RGMB: variants seen among roughly 807,000 people sequenced by gnomAD.
RGMB encodes repulsive guidance molecule BMP co-receptor b.
In RGMB, 16 loss-of-function variants were observed where a neutral mutation model predicts 26.9. The ratio of observed to expected loss-of-function variants is 0.60; its 90% CI spans 0.40 to 0.90. The LOEUF (loss-of-function observed/expected upper bound fraction) is 0.90, where lower values mean the gene tolerates loss of function less well. RGMB is among the 40% of genes least tolerant of loss of function. The pLI is 0.00. For missense variants in RGMB, 512 were observed against 573.3 expected, an observed-to-expected ratio of 0.89 and a Z score of 1.09; for synonymous variants, 225 against 229.3, an observed-to-expected ratio of 0.98 and a Z score of 0.17.
chr5:98,789,547 G>C (rs1032374598), intron 2 of RGMB, among the ~76,000 whole-genome samples: 2 of 151,844 alleles, frequency 1.3e-5, no homozygotes, highest in African/African-American at 2.4e-5. Flanking sequence ...GCAAACCTTC[G>C]TAAGTTCTTA....
In RGMB at chr5:98,780,122, C is replaced by A. The variant is rs137927901; in HGVS notation, c.645+34C>A. ...ACCTTCTTTTTTCCCTCTCCCTACTCAACTTTCAAAAGATGTTTGATTCTT... is the reference window on the plus strand; with the variant it reads ...ACCTTCTTTTTTCCCTCTCCCTACTAAACTTTCAAAAGATGTTTGATTCTT... On this transcript the variant is annotated intron_variant, in intron 2 of 2. Transcript: ENST00000513185. 5.7e-6 allele frequency: 9 copies of A among 1,570,374 alleles called. No individual in the cohort carries two copies. The Admixed American group carries it at 1.4e-4, about 25-fold the overall frequency.
At position 98,796,259 on chromosome 5, in the gene RGMB, G is replaced by A. The variant is rs1747117040; in HGVS notation, c.*2506G>A. The A allele has an allele frequency of 1.3e-5, 2 of 150,300 alleles. No individual in the cohort carries two copies. The highest frequency in any genetic ancestry group is 4.9e-5 in the African/African-American group (2 of 40,706). The allele number at this position is 150,300 out of a possible 1,614,324, so 9.3% of individuals were successfully genotyped here. A position where few individuals can be genotyped will look rare whatever the true frequency, so the allele number is the denominator to read the frequency against. On this transcript the variant is annotated 3_prime_UTR_variant, in exon 3 of 3. Transcript: ENST00000513185. ...GGAGCTTAAAACGGGGGAAACACTG[G>A]TTTTCACAGATGCTCCACATGGCTG... is the stretch of plus-strand genomic sequence containing the variant.
chr5:98,778,253 G>C (rs1377114273), intron 1 of RGMB, among the ~76,000 whole-genome samples: 4 of 152,122 alleles, frequency 2.6e-5, no homozygotes, highest in African/African-American at 4.8e-5. Context: ...TAAATTTTAA[G>C]TCTTTATCAG....
intron 2 of RGMB, among the ~76,000 whole-genome samples, chr5:98,788,488 A>G (rs1336129132): frequency 6.6e-6 from 1 of 152,212 alleles, no homozygotes; most frequent in Non-Finnish European, 1.5e-5. Context: ...TAAATATGGC[A>G]TATATAAAAA....
chr5:98,789,458 A>G (rs1402864790), intron 2 of RGMB, among the ~76,000 whole-genome samples: 2 of 148,788 alleles, frequency 1.3e-5, no homozygotes, highest in African/African-American at 4.9e-5. Flanking sequence ...TTTGTTGGCT[A>G]CCTAATTTTC....
rs146862505 is a variant in RGMB, at chr5:98,795,619, GCCTT to G, written c.*1871_*1874del. 3.3e-5 allele frequency: 5 copies of G among 152,084 alleles called. No homozygotes were observed. Among genetic ancestry groups the G allele is most frequent in the Non-Finnish European group, 7.4e-5 (5 of 68,018 alleles). 9.4% of individuals were successfully genotyped at this position (152,084 alleles called of 1,614,324 possible). On this transcript the variant is annotated 3_prime_UTR_variant, in exon 3 of 3. Coordinates refer to ENST00000513185, the MANE Select transcript of RGMB (RefSeq NM_001366508.1). ...CTATAGAGAGTTGAAACCTAAACCC[GCCTT>G]CCTTTTATAGAAGCTGGACTAGAGA... is the stretch of plus-strand genomic sequence containing the variant.
At chr5:98,779,493 A>G (rs1746518659) in intron 1 of RGMB, 87 bp from the exon 2 acceptor site, 2 of 1,329,760 alleles carry the variant, frequency 1.5e-6, no homozygotes, top group Admixed American at 2.5e-5. Context: ...AGAACAAACA[A>G]TTCCCAAAGA....
chr5:98,772,847 AAT>A (rs1351860456), upstream of RGMB: 4 of 152,226 alleles, frequency 2.6e-5, no homozygotes, highest in Admixed American at 6.5e-5. Context: ...ATCGTGGCAT[AAT>A]TACACTGCAT....
At chr5:98,790,991 T>TA (rs200889596) in intron 2 of RGMB, among the ~76,000 whole-genome samples, 212 of 150,842 alleles carry the variant, frequency 1.4e-3, no homozygotes, top group African/African-American at 4.4e-3. Flanking sequence ...CAGCATGCCT[T>TA]AAAAAAAAAC....
In RGMB at chr5:98,783,256, A is replaced by C. The variant is rs371623849; in HGVS notation, c.645+3168A>C. Among the ~76,000 whole-genome samples the C allele has an allele frequency of 3.2e-4, 49 of 151,398 alleles. No individual in the cohort carries two copies. The East Asian group carries it at 8.4e-3, about 26-fold the overall frequency. The stretch of plus-strand genomic sequence containing the variant: ...GCCAGGGCTGGTTTTTCATCTCTCC[A>C]CCCCGGGGGCTGCAGGGGTGTCTGG... On this transcript the variant is annotated intron_variant, in intron 2 of 2. Transcript: ENST00000513185.
At chr5:98,787,279 T>C (rs560788966) in intron 2 of RGMB, among the ~76,000 whole-genome samples, 19 of 152,352 alleles carry the variant, frequency 1.2e-4, no homozygotes, top group Admixed American at 5.9e-4. Flanking sequence ...CTTTTACTTT[T>C]TTTGCTCACC....
chr5:98,773,909 T>C lies in RGMB; in HGVS notation c.-162T>C. On this transcript the variant is annotated 5_prime_UTR_variant, in exon 1 of 3. Coordinates refer to ENST00000513185, the MANE Select transcript of RGMB (RefSeq NM_001366508.1). ...CTGGCTGCGCCGGCTGCGCGCTGCT[T>C]GCTGCGGCGGTGGTGGCGCCCCATC... The C allele has an allele frequency of 1.9e-6, 1 of 536,524 alleles. No individual in the cohort carries two copies. The highest frequency in any genetic ancestry group is 3.3e-6 in the Non-Finnish European group (1 of 305,352). 33.2% of individuals were successfully genotyped at this position (536,524 alleles called of 1,614,324 possible).
At chr5:98,783,644 G>A (rs149506404) in intron 2 of RGMB, among the ~76,000 whole-genome samples, 2 of 152,268 alleles carry the variant, frequency 1.3e-5, no homozygotes, top group East Asian at 3.9e-4. Flanking sequence ...GTTTAAGTGG[G>A]TTCAATAAGA....
chr5:98,784,941 T>G (rs181102327), intron 2 of RGMB, among the ~76,000 whole-genome samples: 4 of 152,352 alleles, frequency 2.6e-5, no homozygotes, highest in Admixed American at 2.6e-4. Flanking sequence ...TGCAACTCTC[T>G]TGGTGATACA....
Position 98,793,324 on chromosome 5 carries a change from G to T in RGMB, c.885G>T (p.Met295Ile). 6.2e-7 allele frequency: 1 copy of T among 1,613,842 alleles called. No homozygotes were observed. The highest frequency in any genetic ancestry group is 8.5e-7 in the Non-Finnish European group (1 of 1,179,844). ...GCTACCTGACCCTTGCCATCCGTAT[G>T]CCTGAAGACCTGGCCATGTCCTACG... ...VGRYLTLAIRMPEDLAMSYEE... is the reference protein window; with the variant it reads ...VGRYLTLAIRIPEDLAMSYEE... Residue 295 changes from methionine (M) to isoleucine (I), a missense_variant, in exon 3 of 3, where the codon ATG becomes ATT. Coordinates refer to ENST00000513185, the MANE Select transcript of RGMB (RefSeq NM_001366508.1).
chr5:98,795,089 G>T lies in RGMB; in HGVS notation c.*1336G>T, dbSNP rs991779044. On this transcript the variant is annotated 3_prime_UTR_variant, in exon 3 of 3. Coordinates refer to ENST00000513185, the MANE Select transcript of RGMB (RefSeq NM_001366508.1). ...ACTTGGAGAAATTCCTATAAAGTAA[G>T]ATCTCCTTGCCTCTTCCATCCATTG... 2 of 152,162 alleles carry T rather than the reference G, an allele frequency of 1.3e-5. No homozygotes were observed. Among genetic ancestry groups the T allele is most frequent in the African/African-American group, 4.8e-5 (2 of 41,440 alleles). 9.4% of individuals were successfully genotyped at this position (152,162 alleles called of 1,614,324 possible).
At chr5:98,775,741 C>A (rs1342202905) in intron 1 of RGMB, among the ~76,000 whole-genome samples, 1 of 152,208 alleles carries the variant, frequency 6.6e-6, no homozygotes, top group Non-Finnish European at 1.5e-5. Context: ...TGTCTTCGTT[C>A]AAGAATTTGG....
chr5:98,779,438 C>T, intron 1 of RGMB, 142 bp from the exon 2 acceptor site: 1 of 747,000 alleles, frequency 1.3e-6, no homozygotes, highest in Non-Finnish European at 2.0e-6. Context: ...ACAATGAAAC[C>T]CTGTATCTGA....
chr5:98,784,109 A>T (rs1452876349), intron 2 of RGMB, among the ~76,000 whole-genome samples: 1 of 152,170 alleles, frequency 6.6e-6, no homozygotes, highest in Non-Finnish European at 1.5e-5. Context: ...AATTTGGGAA[A>T]GGGCTGTGCT....
Sources: allele counts gnomAD v4.1 joint callset (sites outside exome capture counted in the v4.1 genomes callset), GRCh38; gene constraint gnomAD v4.1.1; transcripts MANE v1.5; gene names NCBI Gene and HGNC (gene_info 2026-07-23, HGNC 2026-07-21).